AGBL1: variants seen among roughly 807,000 people sequenced by gnomAD.
The protein encoded by AGBL1 is AGBL carboxypeptidase 1.
In AGBL1, 130 loss-of-function variants were observed where a neutral mutation model predicts 118.9. That is an observed-to-expected ratio of 1.09 (90% CI 0.95 to 1.26). The LOEUF is 1.26. AGBL1 is among the 50% of genes most tolerant of loss of function. The pLI is 0.00. For synonymous variants in AGBL1, 555 were observed against 478.9 expected (o/e 1.16, Z -2.08); for missense variants, 1,584 against 1,298.1 (o/e 1.22, Z -3.38).
chr15:86,421,863 C>A (rs2081795434), intron 18 of AGBL1, among the ~76,000 whole-genome samples: 1 of 152,168 alleles, frequency 6.6e-6, no homozygotes, highest in Admixed American at 6.5e-5. Flanking sequence ...AAGGGCCTTA[C>A]ATAATGGGAA....
chr15:86,541,010 A>G (rs1424344378), intron 19 of AGBL1, among the ~76,000 whole-genome samples: 1 of 152,234 alleles, frequency 6.6e-6, no homozygotes, highest in East Asian at 1.9e-4. Flanking sequence ...AGGAGTGCCT[A>G]TCACCAAGGA....
chr15:86,706,949 A>G (rs930748381), intron 22 of AGBL1, among the ~76,000 whole-genome samples: 8 of 152,128 alleles, frequency 5.3e-5, no homozygotes, highest in Admixed American at 5.2e-4. Flanking sequence ...TAAGAGTGGA[A>G]AACGTAGTCA....
chr15:86,985,119 A>G (rs1212807122), intron 23 of AGBL1, among the ~76,000 whole-genome samples: 1 of 151,544 alleles, frequency 6.6e-6, no homozygotes, highest in Non-Finnish European at 1.5e-5. Context: ...GATATGCTAT[A>G]TTGTGTTTTT....
intron 17 of AGBL1, among the ~76,000 whole-genome samples, chr15:86,345,614 C>G (rs943301429): frequency 2.0e-5 from 3 of 152,226 alleles, no homozygotes; most frequent in Admixed American, 1.3e-4. Flanking sequence ...AGGGGAAAGG[C>G]AGGTATAGGG....
chr15:86,822,525 T>C (rs1485989648), intron 22 of AGBL1, among the ~76,000 whole-genome samples: 3 of 152,092 alleles, frequency 2.0e-5, no homozygotes, highest in Non-Finnish European at 4.4e-5. Flanking sequence ...GAGCATGGGA[T>C]ATGCAGTGGT....
intron 17 of AGBL1, among the ~76,000 whole-genome samples, chr15:86,340,448 G>A (rs1242242240): frequency 1.3e-5 from 2 of 152,116 alleles, no homozygotes; most frequent in Admixed American, 6.5e-5. Flanking sequence ...TGAACATGGA[G>A]GAGAGGATAC....
At chr15:86,561,036 G>A (rs1261861698) in intron 21 of AGBL1, among the ~76,000 whole-genome samples, 1 of 152,020 alleles carries the variant, frequency 6.6e-6, no homozygotes, top group Non-Finnish European at 1.5e-5. Context: ...CTGAATATTA[G>A]CCCTTTGTCA....
chr15:86,935,607 GGAAC>G (rs1252430084), intron 23 of AGBL1, among the ~76,000 whole-genome samples: 3 of 152,136 alleles, frequency 2.0e-5, no homozygotes, highest in Non-Finnish European at 1.5e-5. Flanking sequence ...GTCTCTAATT[GGAAC>G]TTATTTTTCA....
intron 21 of AGBL1, among the ~76,000 whole-genome samples, chr15:86,584,665 T>G (rs2084220454): frequency 6.6e-6 from 1 of 152,194 alleles, no homozygotes; most frequent in Admixed American, 6.6e-5. Context: ...CTATTTGAGC[T>G]CTTTCTTGGT....
intron 17 of AGBL1, among the ~76,000 whole-genome samples, chr15:86,359,417 C>G (rs1162247478): frequency 1.4e-5 from 1 of 72,894 alleles, no homozygotes; most frequent in Non-Finnish European, 2.7e-5. Flanking sequence ...TTTTTGAATT[C>G]CACTATCGTG....
At chr15:86,998,875 T>C (rs1025263213) in intron 24 of AGBL1, among the ~76,000 whole-genome samples, 2 of 151,190 alleles carry the variant, frequency 1.3e-5, no homozygotes, top group African/African-American at 4.9e-5. Context: ...ATATATTTTT[T>C]ATTATACTTT....
intron 1 of AGBL1, among the ~76,000 whole-genome samples, chr15:86,101,989 G>GT (rs1264979163): frequency 6.0e-5 from 9 of 149,754 alleles, no homozygotes; most frequent in Non-Finnish European, 1.2e-4. Context: ...AATCATTGTG[G>GT]TTTGGTGGTT....
chr15:86,937,701 G>A (rs545923833), intron 23 of AGBL1, among the ~76,000 whole-genome samples: 1 of 152,236 alleles, frequency 6.6e-6, no homozygotes, highest in South Asian at 2.1e-4. Flanking sequence ...ATTGGATACT[G>A]GGCTTAATAC....
At chr15:86,403,153 AGCAC>A (rs1313085894) in intron 18 of AGBL1, among the ~76,000 whole-genome samples, 2 of 152,148 alleles carry the variant, frequency 1.3e-5, no homozygotes. Flanking sequence ...TGTATAAATG[AGCAC>A]GGGGTGAGGG....
At chr15:86,752,020 G>C (rs2077862041) in intron 22 of AGBL1, among the ~76,000 whole-genome samples, 1 of 151,992 alleles carries the variant, frequency 6.6e-6, no homozygotes. Context: ...TTATTACCTT[G>C]GTTCAATTTG....
chr15:86,383,764 C>T (rs1355278469), intron 17 of AGBL1, among the ~76,000 whole-genome samples: 1 of 152,180 alleles, frequency 6.6e-6, no homozygotes, highest in Non-Finnish European at 1.5e-5. Flanking sequence ...CTAGAGGAAA[C>T]TCTGTCCCGG....
At chr15:86,664,337 G>C (rs552901235) in intron 21 of AGBL1, among the ~76,000 whole-genome samples, 1 of 152,294 alleles carries the variant, frequency 6.6e-6, no homozygotes, top group South Asian at 2.1e-4. Context: ...CAGCCCTCAT[G>C]CTTTCTTCTC....
At chr15:86,751,234 C>G (rs943334192) in intron 22 of AGBL1, among the ~76,000 whole-genome samples, 1 of 152,080 alleles carries the variant, frequency 6.6e-6, no homozygotes, top group Non-Finnish European at 1.5e-5. Context: ...AATTTACAGT[C>G]CTACCAACAG....
intron 3 of AGBL1, among the ~76,000 whole-genome samples, chr15:86,146,404 C>T (rs1252143752): frequency 2.0e-5 from 3 of 151,466 alleles, no homozygotes; most frequent in African/African-American, 7.3e-5. Context: ...AATACTACAC[C>T]ATTTTATATC....
Sources: gnomAD v4.1 joint callset for allele counts (sites outside exome capture counted in the v4.1 genomes callset) on GRCh38, gnomAD v4.1.1 for gene constraint, MANE v1.5 for transcripts, NCBI Gene and HGNC (gene_info 2026-07-23, HGNC 2026-07-21) for gene names.